The following ATP6V1H variants were observed in gnomAD, a reference collection of about 807,000 sequenced individuals.
ATP6V1H encodes V-type proton ATPase subunit H.
A neutral mutation model predicts 71.7 loss-of-function variants in ATP6V1H; 39 were observed. The observed-to-expected ratio is 0.54, with a 90% CI of 0.42 to 0.71. ATP6V1H has a LOEUF of 0.71. Ranked by LOEUF, ATP6V1H falls within the 30% of genes least tolerant of loss-of-function variation. The pLI, the probability that ATP6V1H is intolerant of heterozygous loss-of-function variation, is 0.00. For missense variants in ATP6V1H, 509 were observed against 594.9 expected, an observed-to-expected ratio of 0.86 and a Z score of 1.50; for synonymous variants, 192 against 199.3, an observed-to-expected ratio of 0.96 and a Z score of 0.31.
intron 12 of ATP6V1H, among the ~76,000 whole-genome samples, chr8:53,744,796 T>C (rs1318968295): frequency 6.6e-6 from 1 of 152,232 alleles, no homozygotes; most frequent in Admixed American, 6.5e-5. Context: ...CCAGGCACTG[T>C]ACTTTAAAAC....
chr8:53,802,348 G>A (rs569320637), intron 7 of ATP6V1H, among the ~76,000 whole-genome samples: 98 of 152,276 alleles, frequency 6.4e-4, no homozygotes, highest in African/African-American at 2.3e-3. Flanking sequence ...ACAAGTTCCT[G>A]AACTTTTTCA....
chr8:53,729,446 A>C (rs1466219855), intron 13 of ATP6V1H, among the ~76,000 whole-genome samples: 2 of 152,104 alleles, frequency 1.3e-5, no homozygotes, highest in African/African-American at 4.8e-5. Flanking sequence ...CAGTCCCCCA[A>C]CGTGCAAGAA....
intron 11 of ATP6V1H, among the ~76,000 whole-genome samples, chr8:53,757,877 G>C (rs1031274086): frequency 6.6e-6 from 1 of 152,176 alleles, no homozygotes; most frequent in African/African-American, 2.4e-5. Flanking sequence ...CAAGCCATAG[G>C]AAGTAAAAAT....
At chr8:53,737,548 G>A (rs948164503) in intron 13 of ATP6V1H, among the ~76,000 whole-genome samples, 3 of 152,194 alleles carry the variant, frequency 2.0e-5, no homozygotes, top group African/African-American at 7.2e-5. Context: ...AAGGCAAGAA[G>A]AGCACAGCTC....
chr8:53,825,377 C>T (rs1231500662), intron 4 of ATP6V1H, among the ~76,000 whole-genome samples: 2 of 151,092 alleles, frequency 1.3e-5, no homozygotes, highest in East Asian at 1.9e-4. Context: ...ACAGATTTAA[C>T]ACAACTTAGT....
chr8:53,839,918 A>G, intron 2 of ATP6V1H: 9 of 985,614 alleles, frequency 9.1e-6, no homozygotes, highest in Non-Finnish European at 1.1e-5. Context: ...CAGCATCTTC[A>G]CGATCGGCCC....
At chr8:53,807,155 T>TA (rs1209213917) in intron 7 of ATP6V1H, among the ~76,000 whole-genome samples, 2 of 152,192 alleles carry the variant, frequency 1.3e-5, no homozygotes, top group Non-Finnish European at 2.9e-5. Flanking sequence ...AGTAAAGAAC[T>TA]AAAGCAAAGA....
At chr8:53,786,689 T>C (rs1585787831) in intron 9 of ATP6V1H, among the ~76,000 whole-genome samples, 2 of 152,328 alleles carry the variant, frequency 1.3e-5, no homozygotes, top group East Asian at 3.9e-4. Context: ...ATGTTATTCC[T>C]TCTCTAAAAG....
intron 4 of ATP6V1H, among the ~76,000 whole-genome samples, chr8:53,821,287 C>A (rs1810646529): frequency 6.7e-6 from 1 of 150,194 alleles, no homozygotes; most frequent in African/African-American, 2.5e-5. Context: ...GCAGGAGACT[C>A]ATTTGAACCC....
chr8:53,727,417 T>A (rs186829207), intron 13 of ATP6V1H, among the ~76,000 whole-genome samples: 177 of 152,316 alleles, frequency 1.2e-3, no homozygotes, highest in African/African-American at 4.1e-3. Flanking sequence ...TCTTAACTGC[T>A]ACCACCCCAC....
rs773491059 is a variant in ATP6V1H, at chr8:53,817,428, T to C, written c.409A>G (p.Thr137Ala). 5.6e-6 allele frequency: 9 copies of C among 1,609,264 alleles called. No homozygotes were observed. The highest frequency in any genetic ancestry group is 4.3e-6 in the Non-Finnish European group (5 of 1,176,150). Residue 137 changes from threonine (T) to alanine (A), a missense_variant, in exon 5 of 14, where the codon ACT becomes GCT. Thr to Ala is a moderately conservative substitution (Grantham distance 58). This residue lies in a region of ATP6V1H where 297 missense variants were observed against 303.3 expected (regional missense o/e 0.98). Transcript: ENST00000359530. ...AATTCAAAATTTACCATATGAACAG[T>C]GAAGGGATCCTGGCGATTCAACATT... ...LPMLNRQDPF[T>A]VHMAARIIAK...
chr8:53,720,357 A>G (rs1264749325), intron 13 of ATP6V1H, among the ~76,000 whole-genome samples: 1 of 152,214 alleles, frequency 6.6e-6, no homozygotes, highest in East Asian at 1.9e-4. Context: ...TACTGCTGCA[A>G]AAGAGTTTAC....
chr8:53,816,772 G>GC (rs1287096609), intron 5 of ATP6V1H, among the ~76,000 whole-genome samples: 1 of 152,016 alleles, frequency 6.6e-6, no homozygotes, highest in Non-Finnish European at 1.5e-5. Context: ...CTTCAGTCTG[G>GC]CAACAGAGTG....
chr8:53,799,192 G>C (rs1809835590), intron 8 of ATP6V1H, among the ~76,000 whole-genome samples: 1 of 151,848 alleles, frequency 6.6e-6, no homozygotes, highest in Non-Finnish European at 1.5e-5. Context: ...AATTCTACTG[G>C]ACTCTTTTAT....
intron 13 of ATP6V1H, among the ~76,000 whole-genome samples, chr8:53,734,731 T>TGGGCTGACTCAGAGGCTCGGAAAGCGG (rs1807136833): frequency 6.6e-6 from 1 of 152,308 alleles, no homozygotes; most frequent in African/African-American, 2.4e-5. Flanking sequence ...AGGGAACTCC[T>TGGGCTGACTCAGAGGCTCGGAAAGCGG]GGGCTGACTC....
chr8:53,723,773 C>T (rs994524656), intron 13 of ATP6V1H, among the ~76,000 whole-genome samples: 15 of 152,192 alleles, frequency 9.9e-5, no homozygotes, highest in Non-Finnish European at 1.2e-4. Context: ...GTCACGTGGC[C>T]GTTGAGTCCT....
intron 9 of ATP6V1H, among the ~76,000 whole-genome samples, chr8:53,779,538 T>C (rs1421215629): frequency 1.3e-5 from 2 of 150,918 alleles, no homozygotes; most frequent in African/African-American, 4.9e-5. Flanking sequence ...TATTTATAAT[T>C]CTTCTCTTAA....
At chr8:53,727,883 C>G (rs1806870911) in intron 13 of ATP6V1H, among the ~76,000 whole-genome samples, 1 of 152,204 alleles carries the variant, frequency 6.6e-6, no homozygotes, top group African/African-American at 2.4e-5. Context: ...AGCTGCAGTT[C>G]GGAAGCCAGA....
intron 9 of ATP6V1H, among the ~76,000 whole-genome samples, chr8:53,788,123 T>A (rs1585789328): frequency 6.6e-6 from 1 of 152,332 alleles, no homozygotes; most frequent in South Asian, 2.1e-4. Flanking sequence ...AATGGCTCAA[T>A]TTTAGTTCCA....
Sources: allele counts gnomAD v4.1 joint callset (sites outside exome capture counted in the v4.1 genomes callset), GRCh38; gene constraint gnomAD v4.1.1; regional missense constraint gnomAD v4.1.1; transcripts MANE v1.5; gene names NCBI Gene and HGNC (gene_info 2026-07-23, HGNC 2026-07-21).